PCDHGB4: variants seen among roughly 807,000 people sequenced by gnomAD.
PCDHGB4 encodes protocadherin gamma-B4.
In PCDHGB4, 38 loss-of-function variants were observed where a neutral mutation model predicts 60.5. That is an observed-to-expected ratio of 0.63 (90% CI 0.48 to 0.82). PCDHGB4 has a LOEUF of 0.82. Ranked by LOEUF, PCDHGB4 falls within the 40% of genes least tolerant of loss-of-function variation. The pLI is 0.00. For missense variants in PCDHGB4, 1,109 were observed against 1,209.6 expected, an observed-to-expected ratio of 0.92 and a Z score of 1.23; for synonymous variants, 456 against 509.7, an observed-to-expected ratio of 0.89 and a Z score of 1.42.
intron 1 of PCDHGB4, chr5:141,399,376 A>G: frequency 6.2e-7 from 1 of 1,613,956 alleles, no homozygotes; most frequent in Non-Finnish European, 8.5e-7. Flanking sequence ...GTACAATGTC[A>G]CCATCACAGC....
chr5:141,488,480 C>A (rs935896624), intron 1 of PCDHGB4, among the ~76,000 whole-genome samples: 6 of 152,298 alleles, frequency 3.9e-5, no homozygotes, highest in African/African-American at 1.4e-4. Flanking sequence ...GTTCCCCTAC[C>A]CAAAAACTGT....
chr5:141,394,239 G>T (rs530540432), intron 1 of PCDHGB4: 1 of 1,613,750 alleles, frequency 6.2e-7, no homozygotes, highest in Non-Finnish European at 8.5e-7. Flanking sequence ...TTCCTTGACT[G>T]CACACGACCC....
intron 1 of PCDHGB4, chr5:141,416,530 G>C (rs976560428): frequency 6.6e-6 from 1 of 152,160 alleles, no homozygotes; most frequent in Non-Finnish European, 1.5e-5. Context: ...GCTCTTTAAT[G>C]TATAAGGAGG....
chr5:141,487,822 G>C lies in PCDHGB4; in HGVS notation c.2398-6985G>C. On this transcript the variant is annotated intron_variant, in intron 1 of 3. Coordinates refer to ENST00000519479, the MANE Select transcript of PCDHGB4 (RefSeq NM_003736.4). The surrounding 1 kb of genome is among the most constrained non-coding windows in gnomAD (Gnocchi z 5.0). ...TGTCACAGTTTAGCATTGGGGGCGGGTCATGCCTATATCTGAGTAAGAAAT... is the reference window on the plus strand; with the variant it reads ...TGTCACAGTTTAGCATTGGGGGCGGCTCATGCCTATATCTGAGTAAGAAAT... 1 of 1,278,758 alleles carries C rather than the reference G, an allele frequency of 7.8e-7. No individual in the cohort carries two copies. The highest frequency in any genetic ancestry group is 1.4e-5 in the South Asian group (1 of 69,172). The allele number at this position is 1,278,758 out of a possible 1,614,324, so 79.2% of individuals were successfully genotyped here. A position where few individuals can be genotyped will look rare whatever the true frequency, so the allele number is the denominator to read the frequency against.
chr5:141,421,750 C>A lies in PCDHGB4; in HGVS notation c.2397+31469C>A, dbSNP rs766529731. On this transcript the variant is annotated intron_variant, in intron 1 of 3. Coordinates refer to ENST00000519479, the MANE Select transcript of PCDHGB4 (RefSeq NM_003736.4). ...CTCCCTCCAGAGCTACCAGCTCAGC[C>A]CTAATAATTACTTTTCCTTGCAACT... 4.3e-6 allele frequency: 7 copies of A among 1,613,788 alleles called. No individual in the cohort carries two copies. Among genetic ancestry groups the A allele is most frequent in the Non-Finnish European group, 5.9e-6 (7 of 1,179,864 alleles).
chr5:141,433,397 A>ATCTATCTATCTG (rs2097600396), intron 1 of PCDHGB4, among the ~76,000 whole-genome samples: 2 of 150,410 alleles, frequency 1.3e-5, no homozygotes, highest in African/African-American at 2.5e-5. Flanking sequence ...CTATCTATCT[A>ATCTATCTATCTG]TCTATCTATT....
intron 1 of PCDHGB4, among the ~76,000 whole-genome samples, chr5:141,483,466 A>C (rs1212605130): frequency 6.6e-6 from 1 of 152,188 alleles, no homozygotes. Context: ...GTTGATTGAC[A>C]TGATATAGGA....
chr5:141,493,935 C>T lies in PCDHGB4; in HGVS notation c.2398-872C>T, dbSNP rs1317863228. Among the ~76,000 whole-genome samples the T allele has an allele frequency of 6.6e-6, 1 of 152,158 alleles. No homozygotes were observed. Among genetic ancestry groups the T allele is most frequent in the Non-Finnish European group, 1.5e-5 (1 of 68,020 alleles). On this transcript the variant is annotated intron_variant, in intron 1 of 3. Coordinates refer to ENST00000519479, the MANE Select transcript of PCDHGB4 (RefSeq NM_003736.4). This position sits in a 1 kb window ranked among gnomAD's most constrained non-coding sequence, Gnocchi z 4.3. Reference sequence around the variant, plus strand: ...TGGGATAACACACCCCCTGGAAAGACCAGAAGGGACTCAGGAATGAAGTGG... The same window carrying T: ...TGGGATAACACACCCCCTGGAAAGATCAGAAGGGACTCAGGAATGAAGTGG...
chr5:141,490,804 T>C lies in PCDHGB4; in HGVS notation c.2398-4003T>C. On this transcript the variant is annotated intron_variant, in intron 1 of 3. Coordinates refer to ENST00000519479, the MANE Select transcript of PCDHGB4 (RefSeq NM_003736.4). This position sits in a 1 kb window ranked among gnomAD's most constrained non-coding sequence, Gnocchi z 5.4. The stretch of plus-strand genomic sequence containing the variant: ...TGGACGGATCTTTGCCCAGCGTACC[T>C]TTGACTATGAATTGCTGCAGATGCT... 2 of 1,613,854 alleles carry C rather than the reference T, an allele frequency of 1.2e-6. No homozygotes were observed. Among genetic ancestry groups the C allele is most frequent in the Non-Finnish European group, 1.7e-6 (2 of 1,179,816 alleles).
intron 1 of PCDHGB4, among the ~76,000 whole-genome samples, chr5:141,465,879 T>C (rs979784878): frequency 6.6e-6 from 1 of 152,062 alleles, no homozygotes; most frequent in African/African-American, 2.4e-5. Context: ...TCCCAGCACT[T>C]TGGGAGGCCG....
In PCDHGB4 at chr5:141,487,227, G is replaced by A. The variant is rs763361726; in HGVS notation, c.2398-7580G>A. The A allele has an allele frequency of 6.2e-7, 1 of 1,614,070 alleles. No individual in the cohort carries two copies. Among genetic ancestry groups the A allele is most frequent in the Non-Finnish European group, 8.5e-7 (1 of 1,179,952 alleles). On this transcript the variant is annotated intron_variant, in intron 1 of 3. Transcript: ENST00000519479. The surrounding 1 kb of genome is among the most constrained non-coding windows in gnomAD (Gnocchi z 5.0). The stretch of plus-strand genomic sequence containing the variant: ...CGAGAATCTTCAGCTCCAAGGGAAG[G>A]AGAATCTCGTCTAACCCTCTACTTG...
chr5:141,449,498 A>G (rs1190732747), intron 1 of PCDHGB4, among the ~76,000 whole-genome samples: 7 of 150,506 alleles, frequency 4.7e-5, no homozygotes, highest in Non-Finnish European at 8.9e-5. Flanking sequence ...GTGAGGCATG[A>G]GAAATGCTTG....
rs757157488 is a variant in PCDHGB4 at position 141,477,668 on chromosome 5, A to G, written c.2398-17139A>G. ...TTTCACAATAAATCGTGACAATGGC[A>G]TAGTGTCATCCTTAGTGCCCCTAGA... On this transcript the variant is annotated intron_variant, in intron 1 of 3. Coordinates refer to ENST00000519479, the MANE Select transcript of PCDHGB4 (RefSeq NM_003736.4). The surrounding 1 kb of genome is among the most constrained non-coding windows in gnomAD (Gnocchi z 4.9). 10 of 1,614,104 alleles carry G rather than the reference A, an allele frequency of 6.2e-6. No individual in the cohort carries two copies. Among genetic ancestry groups the G allele is most frequent in the Non-Finnish European group, 8.5e-6 (10 of 1,180,046 alleles).
At chr5:141,497,201 G>A (rs1190666375) in intron 2 of PCDHGB4, among the ~76,000 whole-genome samples, 1 of 93,734 alleles carries the variant, frequency 1.1e-5, no homozygotes, top group African/African-American at 8.6e-5. Flanking sequence ...AGAACAATGT[G>A]AGTGTAATGG....
Position 141,490,982 on chromosome 5 carries a change from G to A in PCDHGB4, c.2398-3825G>A, listed in dbSNP as rs964673026. 5 of 1,613,994 alleles carry A rather than the reference G, an allele frequency of 3.1e-6. No homozygotes were observed. Among genetic ancestry groups the A allele is most frequent in the Admixed American group, 1.7e-5 (1 of 60,020 alleles). On this transcript the variant is annotated intron_variant, in intron 1 of 3. Coordinates refer to ENST00000519479, the MANE Select transcript of PCDHGB4 (RefSeq NM_003736.4). This position sits in a 1 kb window ranked among gnomAD's most constrained non-coding sequence, Gnocchi z 5.4. The stretch of plus-strand genomic sequence containing the variant: ...CACTCAGCCCCCCAGCGTCTCCCTC[G>A]CTCTGCTCCTCCTGGCTCCTTGGTC...
At chr5:141,504,017 T>G (rs1186684262) in intron 2 of PCDHGB4, among the ~76,000 whole-genome samples, 1 of 152,150 alleles carries the variant, frequency 6.6e-6, no homozygotes, top group Non-Finnish European at 1.5e-5. Context: ...TCTCTGCTGG[T>G]CTCTTCCCAC....
chr5:141,400,092 G>T, intron 1 of PCDHGB4: 1 of 1,614,060 alleles, frequency 6.2e-7, no homozygotes, highest in Non-Finnish European at 8.5e-7. Context: ...CCACCGCCAC[G>T]CTGCACTTGG....
Position 141,387,762 on chromosome 5 carries a change from G to T in PCDHGB4, c.-123G>T, listed in dbSNP as rs545222926. The T allele has an allele frequency of 3.5e-6, 5 of 1,424,676 alleles. No homozygotes were observed. The East Asian group carries it at 9.9e-5, about 28-fold the overall frequency. The allele number at this position is 1,424,676 out of a possible 1,614,324, so 88.3% of individuals were successfully genotyped here. ...CACCGCTTCCTCCTCGGAAAAAGAA[G>T]AATTTTTTCTTGAACTGGAACTGCA... On this transcript the variant is annotated 5_prime_UTR_variant, in exon 1 of 4. Transcript: ENST00000519479.
chr5:141,485,865 C>A lies in PCDHGB4; in HGVS notation c.2398-8942C>A. ...TCTGGCACCGCAGAGCTCCGGGTAT[C>A]CGTGCTGGACGTAAACGACAACGCC... On this transcript the variant is annotated intron_variant, in intron 1 of 3. Transcript: ENST00000519479. The surrounding 1 kb of genome is among the most constrained non-coding windows in gnomAD (Gnocchi z 5.7). 1 of 1,614,182 alleles carries A rather than the reference C, an allele frequency of 6.2e-7. No homozygotes were observed. The highest frequency in any genetic ancestry group is 8.5e-7 in the Non-Finnish European group (1 of 1,180,034).
Sources: gnomAD v4.1 joint callset for allele counts (sites outside exome capture counted in the v4.1 genomes callset) on GRCh38, gnomAD v4.1.1 for gene constraint, Gnocchi (gnomAD v3.1) non-coding constraint, MANE v1.5 for transcripts, NCBI Gene and HGNC (gene_info 2026-07-23, HGNC 2026-07-21) for gene names.